The following ST14 variants were observed in gnomAD, a reference collection of about 807,000 sequenced individuals.
The protein encoded by ST14 is suppressor of tumorigenicity 14 protein.
Under a neutral mutation model 96.5 loss-of-function variants are expected in ST14, and 40 were observed. That is an observed-to-expected ratio of 0.41 (90% CI 0.32 to 0.54). The LOEUF (loss-of-function observed/expected upper bound fraction) is 0.54, where lower values mean the gene tolerates loss of function less well. Among genes scored for constraint, ST14 ranks in the 20% least tolerant of loss-of-function variants. The pLI, the probability that ST14 is intolerant of heterozygous loss-of-function variation, is 0.17. For synonymous variants in ST14, 506 were observed against 492.1 expected (o/e 1.03, Z -0.37); for missense variants, 1,066 against 1,188.9 (o/e 0.90, Z 1.52).
chr11:130,175,696 CTT>C (rs1565619620), intron 1 of ST14, among the ~76,000 whole-genome samples: 1 of 136,340 alleles, frequency 7.3e-6, no homozygotes, highest in Non-Finnish European at 1.6e-5. Context: ...GAGTCTCACT[CTT>C]TCTTGCCCAG....
At chr11:130,197,765 C>A in intron 11 of ST14, 76 bp from the exon 12 acceptor site, 1 of 1,298,336 alleles carries the variant, frequency 7.7e-7, no homozygotes, top group Non-Finnish European at 1.1e-6. Flanking sequence ...GGGAGGTTGG[C>A]CCGAGGGAGG....
chr11:130,204,774 A>T (rs942721879), intron 16 of ST14, among the ~76,000 whole-genome samples: 1 of 152,122 alleles, frequency 6.6e-6, no homozygotes, highest in African/African-American at 2.4e-5. Flanking sequence ...AGATCATGCC[A>T]CTACACTCCA....
intron 16 of ST14, among the ~76,000 whole-genome samples, chr11:130,200,880 G>A (rs960509608): frequency 2.6e-5 from 4 of 152,200 alleles, no homozygotes; most frequent in Admixed American, 6.5e-5. Flanking sequence ...TGTGGTCTCC[G>A]GTGAGTCTGC....
At chr11:130,170,864 T>G (rs1331216003) in intron 1 of ST14, among the ~76,000 whole-genome samples, 1 of 152,112 alleles carries the variant, frequency 6.6e-6, no homozygotes, top group African/African-American at 2.4e-5. Context: ...CTTTTTTTTT[T>G]GTTTTTGAAA....
rs1953250216 is a variant in ST14 at position 130,187,658 on chromosome 11, TG to T, written c.82-455del. ...GGGGGATTGAATCTGGTAGGGGCTG[TG>T]TCCGAGGGAGCAGGGCCTGCTCCTA... is the stretch of plus-strand genomic sequence containing the variant. On this transcript the variant is annotated intron_variant, in intron 1 of 18. Transcript: ENST00000278742. The surrounding 1 kb of genome is among the most constrained non-coding windows in gnomAD (Gnocchi z 4.5). Among the ~76,000 whole-genome samples the T allele has an allele frequency of 6.6e-6, 1 of 152,032 alleles. No homozygotes were observed. Among genetic ancestry groups the T allele is most frequent in the Non-Finnish European group, 1.5e-5 (1 of 67,990 alleles).
intron 1 of ST14, among the ~76,000 whole-genome samples, chr11:130,183,481 G>A (rs998990184): frequency 1.3e-5 from 2 of 151,504 alleles, no homozygotes; most frequent in Non-Finnish European, 2.9e-5. Context: ...GCTGATGCAG[G>A]AGGATTGCTT....
chr11:130,206,819 C>T (rs1444209203), intron 16 of ST14, among the ~76,000 whole-genome samples: 4 of 152,080 alleles, frequency 2.6e-5, no homozygotes, highest in African/African-American at 9.7e-5. Context: ...CCACCCACCT[C>T]GGCCTCCCAA....
intron 1 of ST14, among the ~76,000 whole-genome samples, chr11:130,185,037 C>T (rs2136210243): frequency 6.6e-6 from 1 of 152,324 alleles, no homozygotes; most frequent in Middle Eastern, 3.4e-3. Context: ...TTCCAAACAG[C>T]CGCCAGGAGC....
At chr11:130,184,242 A>G (rs1383160794) in intron 1 of ST14, among the ~76,000 whole-genome samples, 1 of 152,236 alleles carries the variant, frequency 6.6e-6, no homozygotes, top group Non-Finnish European at 1.5e-5. Context: ...ACACTTAAAT[A>G]TATACACTTT....
intron 7 of ST14, among the ~76,000 whole-genome samples, chr11:130,193,681 G>T (rs1350814424): frequency 6.6e-6 from 1 of 152,156 alleles, no homozygotes. Context: ...TGTTGGCCAG[G>T]CCGGTCTCGA....
At position 130,188,206 on chromosome 11, in the gene ST14, G is replaced by T; in HGVS notation, c.174G>T (p.Leu58=). ...EKHGPGRWVV[L]AAVLIGLLLV... is the part of the protein sequence containing the mutation. ...ATGGCCCGGGGCGCTGGGTGGTGCT[G>T]GCAGCCGTGCTGATCGGCCTCCTCT... The change falls in exon 2 of 19, where the codon CTG becomes CTT. Residue 58 remains leucine, a synonymous_variant. Transcript: ENST00000278742. The surrounding 1 kb of genome is among the most constrained non-coding windows in gnomAD (Gnocchi z 5.4). 6.2e-7 allele frequency: 1 copy of T among 1,614,188 alleles called. No homozygotes were observed. Among genetic ancestry groups the T allele is most frequent in the South Asian group, 1.1e-5 (1 of 91,078 alleles).
chr11:130,193,777 G>A (rs562098610), intron 7 of ST14, among the ~76,000 whole-genome samples: 2 of 152,364 alleles, frequency 1.3e-5, no homozygotes, highest in Admixed American at 6.5e-5. Flanking sequence ...GCTGGGTGTT[G>A]CTCTTTGATT....
At position 130,188,397 on chromosome 11, in the gene ST14, G is replaced by A. The variant is rs1953259669; in HGVS notation, c.241+124G>A. The A allele has an allele frequency of 1.3e-6, 2 of 1,584,928 alleles. No individual in the cohort carries two copies. Among genetic ancestry groups the A allele is most frequent in the East Asian group, 4.5e-5 (2 of 44,592 alleles). ...GATCTCTTGGCCTCTCTGGAACCCTGATGGGGAGTGATGGGAAGCAGTCAG... is the reference window on the plus strand; with the variant it reads ...GATCTCTTGGCCTCTCTGGAACCCTAATGGGGAGTGATGGGAAGCAGTCAG... On this transcript the variant is annotated intron_variant, in intron 2 of 18. Transcript: ENST00000278742. The surrounding 1 kb of genome is among the most constrained non-coding windows in gnomAD (Gnocchi z 5.4).
At chr11:130,165,571 C>A (rs1405051524) in intron 1 of ST14, among the ~76,000 whole-genome samples, 7 of 152,228 alleles carry the variant, frequency 4.6e-5, no homozygotes, top group African/African-American at 1.4e-4. Context: ...CCCCCGAATC[C>A]TGTGATAGTT....
rs1230233444 is a variant in ST14, at chr11:130,188,832, C to G, written c.370-37C>G. The stretch of plus-strand genomic sequence containing the variant: ...CCCGGGCTTGGGGCAGGGTCATCGC[C>G]GCATGGGGCTCACCTTGAGTCTCTG... On this transcript the variant is annotated intron_variant, in intron 3 of 18. Coordinates refer to ENST00000278742, the MANE Select transcript of ST14 (RefSeq NM_021978.4). The surrounding 1 kb of genome is among the most constrained non-coding windows in gnomAD (Gnocchi z 5.4). 1.2e-6 allele frequency: 2 copies of G among 1,608,440 alleles called. No individual in the cohort carries two copies. The highest frequency in any genetic ancestry group is 1.1e-5 in the South Asian group (1 of 90,264).
intron 1 of ST14, among the ~76,000 whole-genome samples, chr11:130,172,042 A>T (rs1310902951): frequency 6.6e-6 from 1 of 152,098 alleles, no homozygotes; most frequent in Non-Finnish European, 1.5e-5. Flanking sequence ...ACAGCAAGAT[A>T]GTGTCAATTA....
At chr11:130,192,267 T>G (rs1223151558) in intron 7 of ST14, among the ~76,000 whole-genome samples, 1 of 152,214 alleles carries the variant, frequency 6.6e-6, no homozygotes, top group African/African-American at 2.4e-5. Flanking sequence ...AGGACTTCTT[T>G]TCCATCTCTC....
Position 130,199,153 on chromosome 11 carries a change from C to T in ST14, c.1807+84C>T, listed in dbSNP as rs182488599. 9.6e-5 allele frequency: 134 copies of T among 1,398,626 alleles called. No homozygotes were observed. In the African/African-American group the frequency reaches 1.7e-3, roughly 18 times the overall value. 86.6% of individuals were successfully genotyped at this position (1,398,626 alleles called of 1,614,324 possible). On this transcript the variant is annotated intron_variant, in intron 15 of 18. Transcript: ENST00000278742. ...GAGGGTGCACCTGGAGGTGCAATCC[C>T]GCCAGCACCTCACTTAGCAGCTCTG...
chr11:130,189,754 C>A lies in ST14; in HGVS notation c.456C>A (p.Ile152=). 3.1e-6 allele frequency: 5 copies of A among 1,613,000 alleles called. No individual in the cohort carries two copies. Among genetic ancestry groups the A allele is most frequent in the Non-Finnish European group, 4.2e-6 (5 of 1,179,918 alleles). Residue 152 remains isoleucine (I), a synonymous_variant, in exon 5 of 19, where the codon ATC becomes ATA. Transcript: ENST00000278742. ...AVTAFSEGSV[I]AYYWSEFSIP... is the part of the protein sequence containing the mutation. ...CTCTCCCCAGCGAGGGCAGCGTCATCGCCTACTACTGGTCTGAGTTCAGCA... is the reference window on the plus strand; with the variant it reads ...CTCTCCCCAGCGAGGGCAGCGTCATAGCCTACTACTGGTCTGAGTTCAGCA...
Sources: allele counts gnomAD v4.1 joint callset (sites outside exome capture counted in the v4.1 genomes callset), GRCh38; gene constraint gnomAD v4.1.1; non-coding constraint Gnocchi (gnomAD v3.1); transcripts MANE v1.5; gene names NCBI Gene and HGNC (gene_info 2026-07-23, HGNC 2026-07-21).